Variants in DLGAP2 observed in about 807,000 individuals in gnomAD.
The protein encoded by DLGAP2 is disks large-associated protein 2.
A neutral mutation model predicts 100.3 loss-of-function variants in DLGAP2; 26 were observed. The ratio of observed to expected loss-of-function variants is 0.26; its 90% CI spans 0.19 to 0.36. DLGAP2 has a LOEUF of 0.36. Ranked by LOEUF, DLGAP2 falls within the 10% of genes least tolerant of loss-of-function variation. The pLI is 1.00. For missense variants in DLGAP2, 1,858 were observed against 1,453.2 expected (o/e 1.28, Z -4.53); for synonymous variants, 886 against 630.1 (o/e 1.41, Z -6.08).
At chr8:1,439,477 C>A (rs993986320) in intron 3 of DLGAP2, among the ~76,000 whole-genome samples, 1 of 152,172 alleles carries the variant, frequency 6.6e-6, no homozygotes, top group Non-Finnish European at 1.5e-5. Context: ...CCTTGCTGAC[C>A]AGGGCTCCAG....
intron 2 of DLGAP2, among the ~76,000 whole-genome samples, chr8:1,181,757 C>T (rs142481122): frequency 6.6e-6 from 1 of 152,142 alleles, no homozygotes; most frequent in Non-Finnish European, 1.5e-5. Flanking sequence ...CAGCCCCGTG[C>T]TCCCCAGGCT....
At chr8:802,846 G>A (rs567923976) in intron 1 of DLGAP2, among the ~76,000 whole-genome samples, 3 of 152,254 alleles carry the variant, frequency 2.0e-5, no homozygotes, top group East Asian at 1.9e-4. Context: ...GAATGGGAGC[G>A]AACTCGTTTG....
At chr8:1,211,891 TA>T (rs1217057061) in intron 2 of DLGAP2, among the ~76,000 whole-genome samples, 1 of 152,018 alleles carries the variant, frequency 6.6e-6, no homozygotes, top group African/African-American at 2.4e-5. Context: ...TAAAATAAAA[TA>T]AAAAAATAAA....
chr8:1,653,869 C>G (rs1417259274), intron 8 of DLGAP2, among the ~76,000 whole-genome samples: 2 of 152,156 alleles, frequency 1.3e-5, no homozygotes, highest in South Asian at 2.1e-4. Flanking sequence ...TCATTTGACT[C>G]TGAGGTGTAA....
At chr8:770,434 C>CT (rs548155447) in intron 1 of DLGAP2, among the ~76,000 whole-genome samples, 2 of 152,104 alleles carry the variant, frequency 1.3e-5, no homozygotes, top group East Asian at 3.9e-4. Context: ...TGACCAAAGA[C>CT]TTTTTTTCTT....
At chr8:1,569,389 A>G (rs1802562704) in intron 6 of DLGAP2, among the ~76,000 whole-genome samples, 1 of 152,226 alleles carries the variant, frequency 6.6e-6, no homozygotes, top group Admixed American at 6.5e-5. Flanking sequence ...GAAAGCAGCC[A>G]TGTGATGGGT....
intron 2 of DLGAP2, among the ~76,000 whole-genome samples, chr8:1,096,618 C>G (rs1201415385): frequency 1.3e-5 from 2 of 151,794 alleles, no homozygotes; most frequent in Admixed American, 1.3e-4. Flanking sequence ...GAGGACCCCT[C>G]CAGCGTGAGA....
rs770291812 is a variant in DLGAP2, at chr8:872,328, C to CTTTTTTTTTTTTTTT, written c.19-35580_19-35579insTTTTTTTTTTTTTTT. On this transcript the variant is annotated intron_variant, in intron 1 of 14. Coordinates refer to ENST00000637795, the MANE Select transcript of DLGAP2 (RefSeq NM_001346810.2). ...AACAGAGGAAAGTTTTCTCTCACTT[C>CTTTTTTTTTTTTTTT]TTTTCTTTTTTTTTTTTTTTTTGAG... 3.1e-5 allele frequency among the ~76,000 whole-genome samples: 4 copies of CTTTTTTTTTTTTTTT among 129,512 alleles called. 2 individuals are homozygous for CTTTTTTTTTTTTTTT. 85.0% of individuals were successfully genotyped at this position (129,512 alleles called of 152,430 possible). A position where few individuals can be genotyped will look rare whatever the true frequency, so the allele number is the denominator to read the frequency against.
intron 3 of DLGAP2, among the ~76,000 whole-genome samples, chr8:1,410,104 T>TCCCCA (rs1796685752): frequency 1.3e-5 from 2 of 152,144 alleles, no homozygotes; most frequent in African/African-American, 4.8e-5. Context: ...TCCCCAGGAA[T>TCCCCA]GCCAGACGCT....
chr8:778,884 C>T (rs569710904), intron 1 of DLGAP2, among the ~76,000 whole-genome samples: 11 of 152,348 alleles, frequency 7.2e-5, no homozygotes, highest in South Asian at 2.1e-4. Context: ...TCGAGCTTCC[C>T]GGCTGCTTTG....
intron 3 of DLGAP2, among the ~76,000 whole-genome samples, chr8:1,417,310 G>A (rs1796922866): frequency 1.3e-5 from 2 of 151,686 alleles, no homozygotes; most frequent in Admixed American, 6.6e-5. Flanking sequence ...GCGTCTGCGG[G>A]GTGCCCAGGT....
intron 3 of DLGAP2, among the ~76,000 whole-genome samples, chr8:1,279,005 A>G (rs1799762328): frequency 6.6e-6 from 1 of 152,254 alleles, no homozygotes; most frequent in African/African-American, 2.4e-5. Context: ...TAGAAAATAT[A>G]AAGAACATAT....
intron 3 of DLGAP2, among the ~76,000 whole-genome samples, chr8:1,304,284 C>T (rs1277160529): frequency 6.6e-6 from 1 of 152,200 alleles, no homozygotes; most frequent in Non-Finnish European, 1.5e-5. Flanking sequence ...CACCGTGGCC[C>T]CACACCCAGG....
chr8:1,187,834 C>T (rs1172709448), intron 2 of DLGAP2, among the ~76,000 whole-genome samples: 2 of 99,782 alleles, frequency 2.0e-5, no homozygotes, highest in Non-Finnish European at 3.6e-5. Flanking sequence ...CGTGATGTTT[C>T]CCTCACGGAA....
At chr8:1,363,280 T>C (rs1466758803) in intron 3 of DLGAP2, among the ~76,000 whole-genome samples, 1 of 152,090 alleles carries the variant, frequency 6.6e-6, no homozygotes, top group Non-Finnish European at 1.5e-5. Context: ...ATGGCATGCT[T>C]GCGGCTGTCT....
chr8:1,276,099 A>G (rs1351421477), intron 3 of DLGAP2, among the ~76,000 whole-genome samples: 1 of 143,886 alleles, frequency 6.9e-6, no homozygotes. Flanking sequence ...TGTATATAAT[A>G]TATAAATATA....
intron 6 of DLGAP2, among the ~76,000 whole-genome samples, chr8:1,588,415 A>G (rs944782946): frequency 2.0e-5 from 3 of 152,246 alleles, no homozygotes; most frequent in African/African-American, 7.2e-5. Context: ...TTTACTAAAC[A>G]GCTCATCTTA....
rs74636751 is a variant in DLGAP2 at position 757,113 on chromosome 8, C to A, written c.18+19288C>A. 6.7e-3 allele frequency among the ~76,000 whole-genome samples: 1,025 copies of A among 152,298 alleles called. 13 individuals are homozygous for A. Among genetic ancestry groups the A allele is most frequent in the African/African-American group, 0.024 (978 of 41,558 alleles). ...ACCTGGAATACTCGTCATCAACCCC[C>A]ACCTCGTGCTGTTTTTCCTCATTGC... On this transcript the variant is annotated intron_variant, in intron 1 of 14. Coordinates refer to ENST00000637795, the MANE Select transcript of DLGAP2 (RefSeq NM_001346810.2).
chr8:1,129,165 G>A (rs534842488), intron 2 of DLGAP2, among the ~76,000 whole-genome samples: 1 of 152,252 alleles, frequency 6.6e-6, no homozygotes, highest in South Asian at 2.1e-4. Context: ...CAGCACTGTG[G>A]GAGGCCAAGG....
Sources: allele counts gnomAD v4.1 joint callset (sites outside exome capture counted in the v4.1 genomes callset), GRCh38; gene constraint gnomAD v4.1.1; transcripts MANE v1.5; gene names NCBI Gene and HGNC (gene_info 2026-07-23, HGNC 2026-07-21).